The following PPP2R2B variants were observed in gnomAD, a reference collection of about 807,000 sequenced individuals.
The protein encoded by PPP2R2B is serine/threonine-protein phosphatase 2A 55 kDa regulatory subunit B beta isoform.
Under a neutral mutation model 46.0 loss-of-function variants are expected in PPP2R2B, and 5 were observed. That is an observed-to-expected ratio of 0.11 (90% CI 0.06 to 0.23). The LOEUF is 0.23. Ranked by LOEUF, PPP2R2B falls within the 10% of genes least tolerant of loss-of-function variation. The pLI is 1.00. For synonymous variants in PPP2R2B, 215 were observed against 206.7 expected (o/e 1.04, Z -0.34); for missense variants, 367 against 575.0 (o/e 0.64, Z 3.70).
chr5:146,650,781 G>C (rs1198785446), intron 5 of PPP2R2B, 57 bp from the exon 6 acceptor site: 2 of 1,502,354 alleles, frequency 1.3e-6, no homozygotes, highest in South Asian at 2.4e-5. Context: ...TAGGAAAAGA[G>C]TGTGCATGCT....
At chr5:147,076,694 C>A (rs1204875153) in intron 2 of PPP2R2B, among the ~76,000 whole-genome samples, 1 of 152,096 alleles carries the variant, frequency 6.6e-6, no homozygotes, top group East Asian at 1.9e-4. Flanking sequence ...GCATTGTAGT[C>A]TTTAGCCTAA....
In PPP2R2B at chr5:146,982,255, T is replaced by C. The variant is rs566317408; in HGVS notation, c.79+73410A>G. ...TTGCCAGGTCCCACAATTTTTGATA[T>C]GTTGTGTTTTTATTTTCATTCCATT... On this transcript the variant is annotated intron_variant, in intron 1 of 8. Coordinates refer to the PPP2R2B transcript ENST00000336640. Among the ~76,000 whole-genome samples the C allele has an allele frequency of 2.6e-5, 4 of 152,316 alleles. No individual in the cohort carries two copies. The South Asian group carries it at 8.3e-4, about 32-fold the overall frequency.
intron 2 of PPP2R2B, among the ~76,000 whole-genome samples, chr5:146,859,551 T>C (rs938075729): frequency 6.6e-6 from 1 of 152,204 alleles, no homozygotes; most frequent in African/African-American, 2.4e-5. Flanking sequence ...TGCAAACCCC[T>C]GTGACATGCA....
At chr5:146,754,853 C>T (rs1753750202) in intron 2 of PPP2R2B, among the ~76,000 whole-genome samples, 1 of 152,150 alleles carries the variant, frequency 6.6e-6, no homozygotes, top group African/African-American at 2.4e-5. Context: ...AGCACTTCCT[C>T]CAGTCCCAGT....
At chr5:146,807,831 C>CTTTTTTTTTTTT (rs1554139359) in intron 2 of PPP2R2B, among the ~76,000 whole-genome samples, 4 of 73,874 alleles carry the variant, frequency 5.4e-5, no homozygotes, top group Non-Finnish European at 8.0e-5. Flanking sequence ...GACAGTTTTG[C>CTTTTTTTTTTTT]TCTTGTTGCC....
intron 2 of PPP2R2B, among the ~76,000 whole-genome samples, chr5:146,778,784 A>T (rs1024084844): frequency 6.6e-6 from 1 of 152,214 alleles, no homozygotes; most frequent in African/African-American, 2.4e-5. Context: ...TTTAAGTAAC[A>T]ATTTGGAAAA....
intron 2 of PPP2R2B, among the ~76,000 whole-genome samples, chr5:146,758,295 G>A (rs941871813): frequency 2.0e-5 from 3 of 152,126 alleles, no homozygotes; most frequent in Non-Finnish European, 4.4e-5. Context: ...AGAGGAGCTA[G>A]GTTTCAGTCT....
At chr5:146,875,418 G>A (rs1432887) in intron 2 of PPP2R2B, among the ~76,000 whole-genome samples, 29,841 of 151,912 alleles carry the variant, frequency 0.2, 3,283 homozygotes, top group East Asian at 0.35. Flanking sequence ...ACTGAGAGAG[G>A]GGAGCTTGGG....
chr5:147,038,556 G>T (rs1041001370), intron 1 of PPP2R2B, among the ~76,000 whole-genome samples: 7 of 152,058 alleles, frequency 4.6e-5, no homozygotes, highest in Admixed American at 2.0e-4. Context: ...TGAGTGGCTG[G>T]TGCGATAAAA....
chr5:146,626,553 T>C (rs928990983), intron 7 of PPP2R2B, among the ~76,000 whole-genome samples: 1 of 152,172 alleles, frequency 6.6e-6, no homozygotes, highest in East Asian at 1.9e-4. Flanking sequence ...CTGGGGAAAA[T>C]ATTTCTGGGC....
chr5:146,737,788 T>C (rs945442614), intron 2 of PPP2R2B, among the ~76,000 whole-genome samples: 2 of 150,196 alleles, frequency 1.3e-5, no homozygotes, highest in African/African-American at 4.9e-5. Flanking sequence ...ACAAATGTTG[T>C]TGGAGGCCAG....
chr5:146,845,065 T>C (rs1759901158), intron 2 of PPP2R2B, among the ~76,000 whole-genome samples: 1 of 152,186 alleles, frequency 6.6e-6, no homozygotes, highest in African/African-American at 2.4e-5. Flanking sequence ...TTCAGCCATG[T>C]TCACTTTTTG....
intron 2 of PPP2R2B, among the ~76,000 whole-genome samples, chr5:147,071,471 T>A (rs1469721795): frequency 6.6e-6 from 1 of 152,174 alleles, no homozygotes; most frequent in Non-Finnish European, 1.5e-5. Context: ...CTGTCTGCCA[T>A]CATCTGTCTC....
chr5:146,731,068 A>G (rs1752201369), intron 2 of PPP2R2B, among the ~76,000 whole-genome samples: 1 of 152,228 alleles, frequency 6.6e-6, no homozygotes, highest in South Asian at 2.1e-4. Flanking sequence ...CTGAAGCCAT[A>G]CACAACACAC....
chr5:147,008,536 A>G (rs889664332), intron 1 of PPP2R2B, among the ~76,000 whole-genome samples: 2 of 152,242 alleles, frequency 1.3e-5, no homozygotes, highest in Non-Finnish European at 2.9e-5. Context: ...TACTCTGTGA[A>G]CCTACTCCCT....
At chr5:147,068,947 C>T (rs533777504) in intron 2 of PPP2R2B, among the ~76,000 whole-genome samples, 1 of 152,218 alleles carries the variant, frequency 6.6e-6, no homozygotes, top group East Asian at 1.9e-4. Context: ...AGAAAAATCA[C>T]TCATGAAACA....
intron 2 of PPP2R2B, among the ~76,000 whole-genome samples, chr5:146,802,768 T>A (rs1756941841): frequency 6.6e-6 from 1 of 152,110 alleles, no homozygotes; most frequent in Non-Finnish European, 1.5e-5. Context: ...TATAGTGAGG[T>A]CTTTCCATAA....
At chr5:146,968,661 C>T (rs1752541322) in intron 1 of PPP2R2B, among the ~76,000 whole-genome samples, 1 of 152,178 alleles carries the variant, frequency 6.6e-6, no homozygotes, top group Non-Finnish European at 1.5e-5. Context: ...GTTTAATCTG[C>T]ATTATTGACA....
rs745981054 is a variant in PPP2R2B, at chr5:146,589,315, A to C, written c.*632T>G. On this transcript the variant is annotated 3_prime_UTR_variant, in exon 10 of 10. Transcript: ENST00000394411. ...CCAAATTCTCAGGCTGTTTCTATGG[A>C]GCTTACAAAAAAAGAGCATAGCAGG... 2.0e-5 allele frequency: 3 copies of C among 152,456 alleles called. No homozygotes were observed. Among genetic ancestry groups the C allele is most frequent in the Non-Finnish European group, 4.4e-5 (3 of 68,208 alleles). 9.4% of individuals were successfully genotyped at this position (152,456 alleles called of 1,614,324 possible).
Sources: allele counts gnomAD v4.1 joint callset (sites outside exome capture counted in the v4.1 genomes callset), GRCh38; gene constraint gnomAD v4.1.1; transcripts MANE v1.5; gene names NCBI Gene and HGNC (gene_info 2026-07-23, HGNC 2026-07-21).